SLC7A7: variants seen among roughly 807,000 people sequenced by gnomAD.
SLC7A7 encodes solute carrier family 7 member 7.
In SLC7A7, 39 loss-of-function variants were observed where a neutral mutation model predicts 47.9. The ratio of observed to expected loss-of-function variants is 0.81; its 90% confidence interval spans 0.63 to 1.06. The LOEUF is 1.06. SLC7A7 is among the 50% of genes least tolerant of loss of function. The probability of loss-of-function intolerance (pLI) is 0.00; values close to 1 mark genes in which losing one functional copy is unlikely to be tolerated. For synonymous variants in SLC7A7, 234 were observed against 242.8 expected (o/e 0.96, Z 0.34); for missense variants, 588 against 632.0 (o/e 0.93, Z 0.75).
rs386833811 is a variant in SLC7A7, at chr14:22,813,250, A to G, written c.149T>C (p.Met50Thr). The G allele has an allele frequency of 1.9e-6, 3 of 1,613,738 alleles. No homozygotes were observed. Among genetic ancestry groups the G allele is most frequent in the Middle Eastern group, 1.6e-4 (1 of 6,082 alleles). ...GGAAACAAAGATGCCCGAGCCGATC[A>G]TGTTCCCCACAATCAGGCACACGCC... ...LNGVCLIVGN[M>T]IGSGIFVSPK... The change falls in exon 2 of 10, where the codon ATG (methionine) becomes ACG (threonine). Residue 50 changes from methionine to threonine, a missense_variant. Coordinates refer to ENST00000674313, the MANE Select transcript of SLC7A7 (RefSeq NM_003982.4).
At chr14:22,801,408 T>G (rs1483909219) in intron 2 of SLC7A7, among the ~76,000 whole-genome samples, 1 of 152,134 alleles carries the variant, frequency 6.6e-6, no homozygotes. Flanking sequence ...AGGAATGGTT[T>G]CTAAATGCCT....
At chr14:22,780,193 A>G in intron 2 of SLC7A7, 142 bp from the exon 3 acceptor site, 1 of 1,172,612 alleles carries the variant, frequency 8.5e-7, no homozygotes, top group Non-Finnish European at 1.2e-6. Flanking sequence ...TCTGCACTGG[A>G]ACCCTCGGGG....
intron 3 of SLC7A7, 63 bp from the exon 4 acceptor site, chr14:22,779,000 C>G (rs1346099213): frequency 1.2e-6 from 2 of 1,601,012 alleles, no homozygotes; most frequent in East Asian, 2.2e-5. Context: ...TCAAGATGGT[C>G]AAGTAAAGGA....
chr14:22,773,279 A>G lies in SLC7A7; in HGVS notation c.*331T>C, dbSNP rs548588130. 1 of 474,250 alleles carries G rather than the reference A, an allele frequency of 2.1e-6. No homozygotes were observed. The highest frequency in any genetic ancestry group is 2.0e-5 in the African/African-American group (1 of 50,862). The allele number at this position is 474,250 out of a possible 1,614,324, so 29.4% of individuals were successfully genotyped here. A position where few individuals can be genotyped will look rare whatever the true frequency, so the allele number is the denominator to read the frequency against. ...ACCTGTGATAGTTTCATGTCTCTCT[A>G]AAGGAGACAGGAAATTGGAGCATTG... On this transcript the variant is annotated 3_prime_UTR_variant, in exon 10 of 10. Transcript: ENST00000674313.
intron 2 of SLC7A7, among the ~76,000 whole-genome samples, chr14:22,812,285 G>A (rs958422336): frequency 3.3e-5 from 5 of 151,952 alleles, no homozygotes; most frequent in Non-Finnish European, 5.9e-5. Context: ...TCCTGCCTCA[G>A]CCTCCTGAGT....
At chr14:22,798,190 G>A (rs1015034196) in intron 2 of SLC7A7, among the ~76,000 whole-genome samples, 7 of 152,050 alleles carry the variant, frequency 4.6e-5, no homozygotes, top group Admixed American at 6.6e-5. Flanking sequence ...CCAGCTACTC[G>A]GGAGGCTGAG....
rs75482517 is a variant in SLC7A7, at chr14:22,813,464, A to G, written c.-42-24T>C. The G allele has an allele frequency of 3.6e-3, 5,808 of 1,593,530 alleles. 182 individuals carry two copies. The African/African-American group carries it at 0.069, about 19-fold the overall frequency. On this transcript the variant is annotated intron_variant, in intron 1 of 9. Transcript: ENST00000674313. Reference sequence around the variant, plus strand: ...CCCTTTAAGGAAGAAAGATGATGCTATAGATTAGGTGGTTGGCAATTACAT... The same window carrying G: ...CCCTTTAAGGAAGAAAGATGATGCTGTAGATTAGGTGGTTGGCAATTACAT...
At chr14:22,799,444 C>CTTTTTTTTTTTTTTTTT (rs2039072654) in intron 2 of SLC7A7, among the ~76,000 whole-genome samples, 1 of 109,792 alleles carries the variant, frequency 9.1e-6, no homozygotes, top group African/African-American at 3.2e-5. Flanking sequence ...TTATTTTTTT[C>CTTTTTTTTTTTTTTTTT]TTTCTTTTTT....
chr14:22,773,785 G>T, intron 9 of SLC7A7, 69 bp from the exon 10 acceptor site: 1 of 1,527,748 alleles, frequency 6.5e-7, no homozygotes, highest in Non-Finnish European at 9.1e-7. Flanking sequence ...TCACTGAATG[G>T]AACTCAGTGT....
chr14:22,787,796 G>A (rs373223561), intron 2 of SLC7A7, among the ~76,000 whole-genome samples: 38 of 150,724 alleles, frequency 2.5e-4, no homozygotes, highest in African/African-American at 7.0e-4. Context: ...ATGTTAGGCC[G>A]GGCACGGTGG....
intron 4 of SLC7A7, among the ~76,000 whole-genome samples, chr14:22,777,260 G>A (rs1308219778): frequency 6.6e-6 from 1 of 151,922 alleles, no homozygotes; most frequent in Non-Finnish European, 1.5e-5. Context: ...AGATCTTTTG[G>A]TGTCAGGATT....
At chr14:22,794,504 T>A (rs1297851130) in intron 2 of SLC7A7, among the ~76,000 whole-genome samples, 1 of 152,078 alleles carries the variant, frequency 6.6e-6, no homozygotes, top group African/African-American at 2.4e-5. Flanking sequence ...TCAGTTCAAG[T>A]CCTCAGGTAC....
chr14:22,782,829 CA>C (rs932195351), intron 2 of SLC7A7, among the ~76,000 whole-genome samples: 2 of 151,606 alleles, frequency 1.3e-5, no homozygotes, highest in African/African-American at 4.9e-5. Flanking sequence ...GTGGAGAAAT[CA>C]TAGCTCACTG....
At chr14:22,802,927 C>A (rs1208131342) in intron 2 of SLC7A7, among the ~76,000 whole-genome samples, 1 of 151,906 alleles carries the variant, frequency 6.6e-6, no homozygotes, top group Non-Finnish European at 1.5e-5. Context: ...TCATCTTGTG[C>A]CTTTACATTG....
At chr14:22,818,582 GGT>G (rs1566467620), upstream of SLC7A7, among the ~76,000 whole-genome samples, 2 of 75,048 alleles carry the variant, frequency 2.7e-5, no homozygotes. Context: ...CCAGGTTTTT[GGT>G]TTTTTTTTTT....
At chr14:22,798,787 C>G (rs975146026) in intron 2 of SLC7A7, among the ~76,000 whole-genome samples, 2 of 152,094 alleles carry the variant, frequency 1.3e-5, no homozygotes, top group Admixed American at 1.3e-4. Context: ...CTCTGAGTTG[C>G]CAATTCCAAA....
At chr14:22,806,558 C>A (rs957657487) in intron 2 of SLC7A7, among the ~76,000 whole-genome samples, 1 of 152,002 alleles carries the variant, frequency 6.6e-6, no homozygotes, top group Non-Finnish European at 1.5e-5. Context: ...CCCACCTTCC[C>A]TATTTTAGAT....
chr14:22,801,293 C>G (rs1213099208), intron 2 of SLC7A7, among the ~76,000 whole-genome samples: 1 of 152,146 alleles, frequency 6.6e-6, no homozygotes, highest in African/African-American at 2.4e-5. Flanking sequence ...AGGAGCACTT[C>G]TGGCATTTAG....
At chr14:22,775,109 C>A (rs2038573845) in intron 7 of SLC7A7, among the ~76,000 whole-genome samples, 1 of 125,590 alleles carries the variant, frequency 8.0e-6, no homozygotes. Context: ...ACACACACTT[C>A]TAGATGTAAT....
Sources: gnomAD v4.1 joint callset for allele counts (sites outside exome capture counted in the v4.1 genomes callset) on GRCh38, gnomAD v4.1.1 for gene constraint, MANE v1.5 for transcripts, NCBI Gene and HGNC (gene_info 2026-07-23, HGNC 2026-07-21) for gene names.